The following ABCA10 variants were observed in gnomAD, a reference collection of about 807,000 sequenced individuals.
ABCA10 encodes ATP binding cassette subfamily A member 10.
A neutral mutation model predicts 187.5 loss-of-function variants in ABCA10; 169 were observed. That is an observed-to-expected ratio of 0.90 (90% CI 0.80 to 1.02). ABCA10 has a LOEUF of 1.02. ABCA10 is among the 50% of genes least tolerant of loss of function. ABCA10 has a pLI of 0.00. For synonymous variants in ABCA10, 574 were observed against 601.8 expected, an observed-to-expected ratio of 0.95 and a Z score of 0.68; for missense variants, 1,727 against 1,812.4, an observed-to-expected ratio of 0.95 and a Z score of 0.86.
At chr17:69,159,425 A>C (rs182145566) in intron 27 of ABCA10, among the ~76,000 whole-genome samples, 113 of 152,260 alleles carry the variant, frequency 7.4e-4, no homozygotes, top group African/African-American at 2.0e-3. Flanking sequence ...TGTTTTAAAA[A>C]ATATTCATAT....
At chr17:69,186,638 G>A (rs985230865) in intron 19 of ABCA10, among the ~76,000 whole-genome samples, 7 of 152,026 alleles carry the variant, frequency 4.6e-5, no homozygotes, top group Non-Finnish European at 1.0e-4. Flanking sequence ...CAAATCCAAT[G>A]GATGCTTTGT....
At chr17:69,227,114 G>GATAGATATATAT (rs1555665028) in intron 2 of ABCA10, 31 bp downstream of exon 2, 1 of 137,416 alleles carries the variant, frequency 7.3e-6, no homozygotes, top group Non-Finnish European at 1.6e-5. Context: ...ATTAATTATG[G>GATAGATATATAT]ATATATATAT....
At chr17:69,155,175 T>A in intron 29 of ABCA10, 39 bp from the exon 30 acceptor site, 2 of 1,453,780 alleles carry the variant, frequency 1.4e-6, no homozygotes, top group Non-Finnish European at 1.9e-6. Context: ...CTGTTAAATT[T>A]CAGATACTTT....
chr17:69,152,364 T>C lies in ABCA10; in HGVS notation c.4254A>G (p.Leu1418=). ...DRMAMMVSGT[L]RCIGSIQHLK... ...TGCTGGTCAGGACAGGCACCCACCT[T>C]AGCGTTCCTGACACCATCATGGCCA... The change falls in exon 35 of 39, where the codon CTA becomes CTG. Residue 1418 remains leucine (L), a splice_region_variant and synonymous_variant. Coordinates refer to ENST00000690296, the MANE Select transcript of ABCA10 (RefSeq NM_001377321.1). The C allele has an allele frequency of 1.2e-6, 2 of 1,613,452 alleles. No homozygotes were observed. The highest frequency in any genetic ancestry group is 2.2e-5 in the East Asian group (1 of 44,840).
chr17:69,196,594 C>T (rs1294269834), intron 11 of ABCA10: 6 of 189,348 alleles, frequency 3.2e-5, no homozygotes, highest in East Asian at 1.7e-4. Context: ...AGACGCTCCT[C>T]GCTTCCCAGA....
upstream of ABCA10, chr17:69,233,450 A>G (rs1180632737): frequency 6.6e-6 from 1 of 151,708 alleles, no homozygotes. Flanking sequence ...TATCTGATAA[A>G]TTTCTGAATT....
In ABCA10 at chr17:69,221,847, T is replaced by C. The variant is rs756825563; in HGVS notation, c.248A>G (p.Tyr83Cys). ...AAAAGCTACAAACCCTTTTAGCCAG[T>C]ACTTTGCCAAGTAACAAAAAATTTC... Reference protein sequence around the residue: ...HGEIFCYLAKYWLKGFVAFQA... With the variant: ...HGEIFCYLAKCWLKGFVAFQA... Residue 83 changes from tyrosine (Y) to cysteine (C), a missense_variant, in exon 5 of 39, where the codon TAC becomes TGC. Coordinates refer to ENST00000690296, the MANE Select transcript of ABCA10 (RefSeq NM_001377321.1). 6.2e-7 allele frequency: 1 copy of C among 1,613,334 alleles called. No individual in the cohort carries two copies. The highest frequency in any genetic ancestry group is 8.5e-7 in the Non-Finnish European group (1 of 1,179,696).
intron 19 of ABCA10, 33 bp from the exon 20 acceptor site, chr17:69,185,676 A>G (rs2144794673): frequency 6.6e-7 from 1 of 1,519,604 alleles, no homozygotes; most frequent in Non-Finnish European, 9.0e-7. Flanking sequence ...ATGAGTCTGA[A>G]GCAATTTTCC....
Position 69,191,195 on chromosome 17 carries a change from T to A in ABCA10, c.1992A>T (p.Glu664Asp). The stretch of plus-strand genomic sequence containing the variant: ...AGTTACCTGGAAATTTGTTCGTTTT[T>A]TCCAAAGGCAAACTATATACAAGTT... ...EEKLVYSLPL[E>D]KTNKFPDLYS... Residue 664 changes from glutamate to aspartate, a missense_variant, in exon 17 of 39, where the codon GAA (glutamate) becomes GAT (aspartate). Physicochemically the swap from Glu to Asp is conservative, Grantham distance 45 (BLOSUM62 2). Coordinates refer to ENST00000690296, the MANE Select transcript of ABCA10 (RefSeq NM_001377321.1). The A allele has an allele frequency of 6.3e-7, 1 of 1,595,234 alleles. No homozygotes were observed.
chr17:69,211,505 G>T (rs2083717185), intron 9 of ABCA10, among the ~76,000 whole-genome samples: 1 of 151,632 alleles, frequency 6.6e-6, no homozygotes, highest in African/African-American at 2.4e-5. Context: ...GAATGATTTA[G>T]GGAGGATTCC....
chr17:69,241,961 T>C (rs1169683319), intron 1 of ABCA10, among the ~76,000 whole-genome samples: 3 of 152,210 alleles, frequency 2.0e-5, no homozygotes, highest in African/African-American at 4.8e-5. Context: ...AAAAACTATC[T>C]AGTGTCTTAA....
chr17:69,224,431 A>T (rs2074776180), intron 3 of ABCA10, among the ~76,000 whole-genome samples: 1 of 152,162 alleles, frequency 6.6e-6, no homozygotes, highest in African/African-American at 2.4e-5. Flanking sequence ...TGAAGAAAAG[A>T]ACATTTTATC....
chr17:69,164,213 CA>C lies in ABCA10; in HGVS notation c.3283-60del, dbSNP rs1286157155. On this transcript the variant is annotated intron_variant, in intron 26 of 38. Coordinates refer to ENST00000690296, the MANE Select transcript of ABCA10 (RefSeq NM_001377321.1). ...TTTCTCTATAAATATAAAATTTACA[CA>C]TTAAATACACCCACATTATACTTGA... The C allele has an allele frequency of 2.4e-5, 32 of 1,343,234 alleles. 1 individual carries two copies. The East Asian group carries it at 7.6e-4, about 32-fold the overall frequency. 83.2% of individuals were successfully genotyped at this position (1,343,234 alleles called of 1,614,324 possible).
At position 69,148,759 on chromosome 17, in the gene ABCA10, T is replaced by TTTAATAA; in HGVS notation, c.*67_*68insTTATTAA. 2 of 1,267,672 alleles carry TTTAATAA rather than the reference T, an allele frequency of 1.6e-6. No individual in the cohort carries two copies. The highest frequency in any genetic ancestry group is 2.2e-6 in the Non-Finnish European group (2 of 890,750). The allele number at this position is 1,267,672 out of a possible 1,614,324, so 78.5% of individuals were successfully genotyped here. A position where few individuals can be genotyped will look rare whatever the true frequency, so the allele number is the denominator to read the frequency against. On this transcript the variant is annotated 3_prime_UTR_variant, in exon 39 of 39. Coordinates refer to ENST00000690296, the MANE Select transcript of ABCA10 (RefSeq NM_001377321.1). ...TTGTTAACTGAAGTAAAAGGAAACA[T>TTTAATAA]TCTTGTAGAATTATGGAAACTAACA...
rs1292753216 is a variant in ABCA10 at position 69,196,461 on chromosome 17, G to A, written c.1234+603C>T. ...CCCCACATCTCAGACGATGGGCGGC[G>A]GGGCAGAGACGCTCCTCACTTCCTA... On this transcript the variant is annotated intron_variant, in intron 11 of 38. Transcript: ENST00000690296. 10 of 175,184 alleles carry A rather than the reference G, an allele frequency of 5.7e-5. 1 individual carries two copies. Among genetic ancestry groups the A allele is most frequent in the South Asian group, 3.4e-4 (3 of 8,786 alleles). 10.9% of individuals were successfully genotyped at this position (175,184 alleles called of 1,614,324 possible).
At chr17:69,222,504 A>C (rs752100647) in intron 4 of ABCA10, 29 bp downstream of exon 4, 1 of 1,493,994 alleles carries the variant, frequency 6.7e-7, no homozygotes, top group Non-Finnish European at 8.9e-7. Flanking sequence ...GTATCAAAAA[A>C]AAATTATAAT....
chr17:69,220,874 C>T (rs1412416040), intron 5 of ABCA10, among the ~76,000 whole-genome samples: 1 of 152,196 alleles, frequency 6.6e-6, no homozygotes, highest in South Asian at 2.1e-4. Context: ...TTTCATACTA[C>T]AACAGCAGAG....
intron 34 of ABCA10, 85 bp downstream of exon 34, chr17:69,153,220 G>A: frequency 1.3e-6 from 2 of 1,491,230 alleles, no homozygotes; most frequent in Non-Finnish European, 1.8e-6. Flanking sequence ...GGAGCAAAAT[G>A]TAACAAAGAA....
chr17:69,166,470 T>G (rs992744060), intron 25 of ABCA10, among the ~76,000 whole-genome samples: 5 of 152,190 alleles, frequency 3.3e-5, no homozygotes, highest in Non-Finnish European at 7.4e-5. Context: ...TATTTATGCA[T>G]CTGTCACTGT....
Sources: gnomAD v4.1 joint callset for allele counts (sites outside exome capture counted in the v4.1 genomes callset) on GRCh38, gnomAD v4.1.1 for gene constraint, MANE v1.5 for transcripts, NCBI Gene and HGNC (gene_info 2026-07-23, HGNC 2026-07-21) for gene names.